The following SLC4A10 variants were observed in gnomAD, a reference collection of about 807,000 sequenced individuals.
SLC4A10 encodes the protein sodium-driven chloride bicarbonate exchanger.
Under a neutral mutation model 137.7 loss-of-function variants are expected in SLC4A10, and 42 were observed. The observed-to-expected ratio is 0.30, with a 90% CI of 0.24 to 0.39. The LOEUF is 0.39. Among genes scored for constraint, SLC4A10 ranks in the 10% least tolerant of loss-of-function variants. The probability of loss-of-function intolerance (pLI) is 1.00; values close to 1 mark genes in which losing one functional copy is unlikely to be tolerated. For synonymous variants in SLC4A10, 474 were observed against 464.1 expected, an observed-to-expected ratio of 1.02 and a Z score of -0.27; for missense variants, 925 against 1,355.0, an observed-to-expected ratio of 0.68 and a Z score of 4.98.
chr2:161,678,202 T>C (rs1345964166), intron 1 of SLC4A10, among the ~76,000 whole-genome samples: 1 of 152,198 alleles, frequency 6.6e-6, no homozygotes. Context: ...AGATAATGAA[T>C]CTGGGAAGTT....
Position 161,748,436 on chromosome 2 carries a change from TTGTGTGTGTGTG to T in SLC4A10, c.49-22512_49-22501del, listed in dbSNP as rs144251917. On this transcript the variant is annotated intron_variant, in intron 1 of 26. Transcript: ENST00000446997. Reference sequence around the variant, plus strand: ...GTCTATGTCTTAAGCCATTTTGAGTTTGTGTGTGTGTGTGTGTGTGTGTGTGTGTGTGTGTGG... The same window carrying T: ...GTCTATGTCTTAAGCCATTTTGAGTTTGTGTGTGTGTGTGTGTGTGTGTGG... Among the ~76,000 whole-genome samples, 19 of 142,518 alleles carry T rather than the reference TTGTGTGTGTGTG, an allele frequency of 1.3e-4. No homozygotes were observed. The East Asian group carries it at 2.0e-3, about 15-fold the overall frequency. 93.5% of individuals were successfully genotyped at this position (142,518 alleles called of 152,430 possible).
chr2:161,750,571 T>C (rs1269119400), intron 1 of SLC4A10, among the ~76,000 whole-genome samples: 3 of 151,894 alleles, frequency 2.0e-5, no homozygotes, highest in Non-Finnish European at 3.0e-5. Context: ...AATTTCTGGT[T>C]TCGTGACATC....
chr2:161,695,544 C>G (rs1339010875), intron 1 of SLC4A10, among the ~76,000 whole-genome samples: 1 of 151,984 alleles, frequency 6.6e-6, no homozygotes, highest in Non-Finnish European at 1.5e-5. Flanking sequence ...AGACTTTAAC[C>G]TACATATTTA....
chr2:161,817,910 G>A (rs2057244512), intron 3 of SLC4A10, among the ~76,000 whole-genome samples: 1 of 151,752 alleles, frequency 6.6e-6, no homozygotes, highest in Non-Finnish European at 1.5e-5. Flanking sequence ...AAGTCAGGTA[G>A]CGTGATGCCT....
chr2:161,635,695 G>T (rs759341718), intron 1 of SLC4A10, among the ~76,000 whole-genome samples: 2 of 152,040 alleles, frequency 1.3e-5, no homozygotes, highest in Non-Finnish European at 2.9e-5. Flanking sequence ...AGTGATTTTG[G>T]CACTGTTTTA....
chr2:161,648,763 G>T (rs2036408897), intron 1 of SLC4A10, among the ~76,000 whole-genome samples: 1 of 152,086 alleles, frequency 6.6e-6, no homozygotes, highest in South Asian at 2.1e-4. Flanking sequence ...TTTTATTTAA[G>T]CAATATGTTT....
intron 1 of SLC4A10, among the ~76,000 whole-genome samples, chr2:161,719,053 CT>C (rs1172778479): frequency 1.3e-5 from 2 of 152,054 alleles, no homozygotes; most frequent in African/African-American, 2.4e-5. Flanking sequence ...TCCTTCCCCC[CT>C]CCCCTCACCC....
At chr2:161,823,860 T>G (rs2057824108) in intron 3 of SLC4A10, among the ~76,000 whole-genome samples, 1 of 152,170 alleles carries the variant, frequency 6.6e-6, no homozygotes, top group African/African-American at 2.4e-5. Context: ...CAGAAAGGAA[T>G]AGGCTAACTA....
intron 3 of SLC4A10, among the ~76,000 whole-genome samples, chr2:161,817,872 G>C (rs1432419785): frequency 6.6e-6 from 1 of 151,792 alleles, no homozygotes; most frequent in African/African-American, 2.4e-5. Flanking sequence ...ATGCTGTTTT[G>C]GTTACTGTAG....
chr2:161,799,344 C>T (rs2055133871), intron 2 of SLC4A10, among the ~76,000 whole-genome samples: 1 of 151,564 alleles, frequency 6.6e-6, no homozygotes, highest in Non-Finnish European at 1.5e-5. Flanking sequence ...AATTTTTTGC[C>T]TTCTCAACTG....
chr2:161,875,698 A>G (rs75811959), intron 8 of SLC4A10, among the ~76,000 whole-genome samples: 4 of 152,332 alleles, frequency 2.6e-5, no homozygotes, highest in East Asian at 3.9e-4. Flanking sequence ...AATTTTCTAC[A>G]TAGAAAGAAC....
intron 1 of SLC4A10, among the ~76,000 whole-genome samples, chr2:161,666,206 C>T (rs188166385): frequency 7.9e-5 from 12 of 151,464 alleles, no homozygotes; most frequent in African/African-American, 2.2e-4. Context: ...AAATAATGAA[C>T]GGTTTTTGAT....
chr2:161,730,941 G>A (rs2046760866), intron 1 of SLC4A10, among the ~76,000 whole-genome samples: 1 of 152,156 alleles, frequency 6.6e-6, no homozygotes, highest in African/African-American at 2.4e-5. Context: ...AGTATTTACA[G>A]TTAGATAACA....
intron 10 of SLC4A10, among the ~76,000 whole-genome samples, chr2:161,887,804 TTTAA>T (rs2062471178): frequency 6.6e-6 from 1 of 152,228 alleles, no homozygotes; most frequent in African/African-American, 2.4e-5. Flanking sequence ...AGCTCTTTAG[TTTAA>T]TTAGCTCCCA....
chr2:161,815,753 C>A (rs1332025188), intron 3 of SLC4A10, among the ~76,000 whole-genome samples: 10 of 152,082 alleles, frequency 6.6e-5, no homozygotes, highest in Admixed American at 2.0e-4. Context: ...TATTTAATAA[C>A]CACTTAAATA....
At chr2:161,917,672 T>C (rs1040149059) in intron 15 of SLC4A10, among the ~76,000 whole-genome samples, 1 of 152,016 alleles carries the variant, frequency 6.6e-6, no homozygotes, top group African/African-American at 2.4e-5. Context: ...TGAAATCATA[T>C]TCCAATTATT....
intron 23 of SLC4A10, among the ~76,000 whole-genome samples, chr2:161,971,439 T>A (rs1479082216): frequency 6.6e-6 from 1 of 152,246 alleles, no homozygotes; most frequent in Non-Finnish European, 1.5e-5. Flanking sequence ...CCTTTCATCA[T>A]CATCCCTGTA....
At chr2:161,703,421 A>T (rs1180536792) in intron 1 of SLC4A10, among the ~76,000 whole-genome samples, 1 of 151,706 alleles carries the variant, frequency 6.6e-6, no homozygotes, top group South Asian at 2.1e-4. Flanking sequence ...ATAGTTTACT[A>T]TCATTTTAGG....
intron 15 of SLC4A10, among the ~76,000 whole-genome samples, chr2:161,933,532 AC>A (rs2105669588): frequency 6.6e-6 from 1 of 152,164 alleles, no homozygotes; most frequent in African/African-American, 2.4e-5. Flanking sequence ...AACTAGGACA[AC>A]ATGCACATGC....
Sources: allele counts gnomAD v4.1 joint callset (sites outside exome capture counted in the v4.1 genomes callset), GRCh38; gene constraint gnomAD v4.1.1; transcripts MANE v1.5; gene names NCBI Gene and HGNC (gene_info 2026-07-23, HGNC 2026-07-21).